GAR1: variants seen among roughly 807,000 people sequenced by gnomAD.
GAR1 encodes H/ACA ribonucleoprotein complex subunit 1.
GAR1 carries 11 observed loss-of-function variants against 29.3 expected under a neutral mutation model. The ratio of observed to expected loss-of-function variants is 0.38; its 90% CI spans 0.24 to 0.62. The LOEUF (loss-of-function observed/expected upper bound fraction) is 0.62, where lower values mean the gene tolerates loss of function less well. Among genes scored for constraint, GAR1 ranks in the 20% least tolerant of loss-of-function variants. The pLI is 0.62. For missense variants in GAR1, 237 were observed against 268.4 expected (o/e 0.88, Z 0.82); for synonymous variants, 87 against 93.3 (o/e 0.93, Z 0.39).
rs1255661367 is a variant in GAR1, at chr4:109,816,364, C to T, written c.200C>T (p.Pro67Leu). 3.1e-6 allele frequency: 5 copies of T among 1,613,866 alleles called. No homozygotes were observed. Among genetic ancestry groups the T allele is most frequent in the African/African-American group, 1.3e-5 (1 of 74,998 alleles). The change falls in exon 2 of 7, where the codon CCA becomes CTA. Residue 67 changes from proline to leucine, a missense_variant. Coordinates refer to ENST00000226796, the MANE Select transcript of GAR1 (RefSeq NM_018983.4). Reference protein sequence around the residue: ...GFNKGQDQGPPERVVLLGEFL... With the variant: ...GFNKGQDQGPLERVVLLGEFL... The stretch of plus-strand genomic sequence containing the variant: ...AACAAAGGCCAAGACCAAGGACCTC[C>T]AGAACGTGTAGTCTGTATGCAGTCT...
chr4:109,816,077 A>T, intron 1 of GAR1, 76 bp from the exon 2 acceptor site: 1 of 1,396,854 alleles, frequency 7.2e-7, no homozygotes, highest in Non-Finnish European at 1.0e-6. Context: ...TGGTGTTCTC[A>T]CCGCAGCTCC....
chr4:109,818,146 TC>T, intron 3 of GAR1, 56 bp downstream of exon 3: 1 of 1,255,502 alleles, frequency 8.0e-7, no homozygotes, highest in South Asian at 1.3e-5. Context: ...TTTGCATTTT[TC>T]TGAGGAGGCA....
chr4:109,822,534 C>G (rs1199396561), intron 5 of GAR1, 46 bp downstream of exon 5: 16 of 1,566,604 alleles, frequency 1.0e-5, no homozygotes, highest in Non-Finnish European at 1.4e-5. Context: ...CTGTGACTTT[C>G]ACAGCTAATT....
In GAR1 at chr4:109,819,075, T is replaced by G. The variant is rs201404073; in HGVS notation, c.429+15T>G. ...AACTACAGAAGGTGAGTCAAACTTA[T>G]GATACTTGGGATCCTTGGTTTTATA... On this transcript the variant is annotated intron_variant, in intron 4 of 6. Transcript: ENST00000226796. 1 of 1,393,056 alleles carries G rather than the reference T, an allele frequency of 7.2e-7. No homozygotes were observed. The highest frequency in any genetic ancestry group is 1.2e-5 in the South Asian group (1 of 86,114). 86.3% of individuals were successfully genotyped at this position (1,393,056 alleles called of 1,614,324 possible).
chr4:109,817,913 A>G (rs1733398055), intron 2 of GAR1, 23 bp from the exon 3 acceptor site: 1 of 1,583,672 alleles, frequency 6.3e-7, no homozygotes, highest in Admixed American at 1.9e-5. Flanking sequence ...TCTATGTTTT[A>G]ACATTTTCTT....
chr4:109,824,595 T>G lies in GAR1; in HGVS notation c.*164T>G, dbSNP rs1018263477. 3.8e-5 allele frequency: 23 copies of G among 612,230 alleles called. No individual in the cohort carries two copies. Among genetic ancestry groups the G allele is most frequent in the Non-Finnish European group, 5.3e-5 (18 of 338,334 alleles). 37.9% of individuals were successfully genotyped at this position (612,230 alleles called of 1,614,324 possible). The stretch of plus-strand genomic sequence containing the variant: ...CATCATGCAAAGTGCAACGGAATAG[T>G]GAATTTTGCTCTAAAAGAGCATGAA... On this transcript the variant is annotated 3_prime_UTR_variant, in exon 7 of 7. Transcript: ENST00000226796.
intron 4 of GAR1, among the ~76,000 whole-genome samples, chr4:109,821,470 AC>A (rs1382564587): frequency 6.6e-6 from 1 of 152,220 alleles, no homozygotes; most frequent in Non-Finnish European, 1.5e-5. Context: ...GAACTATGAT[AC>A]AATATGCTCT....
chr4:109,819,094 T>C, intron 4 of GAR1, 34 bp downstream of exon 4: 1 of 1,129,868 alleles, frequency 8.9e-7, no homozygotes, highest in Non-Finnish European at 1.4e-6. Flanking sequence ...GGATCCTTGG[T>C]TTTATAAGGG....
At chr4:109,823,938 C>A in intron 5 of GAR1, 27 bp from the exon 6 acceptor site, 2 of 1,425,212 alleles carry the variant, frequency 1.4e-6, no homozygotes, top group Non-Finnish European at 2.0e-6. Context: ...AAATACTTTG[C>A]GTTATTATTT....
upstream of GAR1, chr4:109,815,651 G>A (rs1379624908): frequency 6.8e-6 from 1 of 147,936 alleles, no homozygotes; most frequent in Non-Finnish European, 1.5e-5. Flanking sequence ...TTCCGCGGGT[G>A]ATTGGCTTTT....
chr4:109,816,263 C>T lies in GAR1; in HGVS notation c.99C>T (p.Gly33=). 1 of 1,603,782 alleles carries T rather than the reference C, an allele frequency of 6.2e-7. No homozygotes were observed. The highest frequency in any genetic ancestry group is 8.5e-7 in the Non-Finnish European group (1 of 1,175,124). The part of the protein sequence containing the change: ...GGSSNHFRGG[G]GGGGGGNFRG... ...GCAGCAACCACTTCCGAGGTGGAGG[C>T]GGCGGTGGAGGCGGCGGCAATTTCA... is the stretch of plus-strand genomic sequence containing the variant. Residue 33 remains glycine (G), a synonymous_variant, in exon 2 of 7, where the codon GGC becomes GGT. Coordinates refer to ENST00000226796, the MANE Select transcript of GAR1 (RefSeq NM_018983.4).
rs1316526913 is a variant in GAR1 at position 109,824,411 on chromosome 4, T to G, written c.641-7T>G. On this transcript the variant is annotated splice_polypyrimidine_tract_variant and splice_region_variant and intron_variant, in intron 6 of 6. Coordinates refer to ENST00000226796, the MANE Select transcript of GAR1 (RefSeq NM_018983.4). Reference sequence around the variant, plus strand: ...TGCCCTTAATACTTTAATTTTCTCTTAATCAGGGAGAGGACATTAAGTGAA... The same window carrying G: ...TGCCCTTAATACTTTAATTTTCTCTGAATCAGGGAGAGGACATTAAGTGAA... 1 of 1,579,888 alleles carries G rather than the reference T, an allele frequency of 6.3e-7. No individual in the cohort carries two copies. Among genetic ancestry groups the G allele is most frequent in the Non-Finnish European group, 8.7e-7 (1 of 1,149,106 alleles).
intron 4 of GAR1, among the ~76,000 whole-genome samples, chr4:109,819,829 A>G (rs1331585069): frequency 1.3e-5 from 2 of 152,226 alleles, no homozygotes; most frequent in African/African-American, 4.8e-5. Flanking sequence ...CAGGCAACTG[A>G]AAGGATACAA....
rs755660994 is a variant in GAR1, at chr4:109,822,508, T to C, written c.571+20T>C. 86 of 1,585,140 alleles carry C rather than the reference T, an allele frequency of 5.4e-5. No homozygotes were observed. The highest frequency in any genetic ancestry group is 9.3e-5 in the Admixed American group (5 of 53,860). On this transcript the variant is annotated intron_variant, in intron 5 of 6. Coordinates refer to ENST00000226796, the MANE Select transcript of GAR1 (RefSeq NM_018983.4). The stretch of plus-strand genomic sequence containing the variant: ...GAGGCGGTAAGTTACTTGGGGAAAA[T>C]TTCTAATGAAATTAACTGTGACTTT...
intron 3 of GAR1, among the ~76,000 whole-genome samples, chr4:109,818,497 C>T (rs1733414406): frequency 6.6e-6 from 1 of 151,152 alleles, no homozygotes; most frequent in African/African-American, 2.4e-5. Context: ...CTCTCTCTTT[C>T]TTTCTCTCTC....
intron 2 of GAR1, among the ~76,000 whole-genome samples, chr4:109,817,356 G>C (rs143714162): frequency 2.4e-3 from 365 of 152,240 alleles, no homozygotes; most frequent in Non-Finnish European, 3.2e-3. Context: ...TTTAGTTTGG[G>C]GTGACAGTCT....
intron 1 of GAR1, 120 bp downstream of exon 1, chr4:109,815,924 T>TTAA: frequency 1.7e-6 from 1 of 574,438 alleles, no homozygotes; most frequent in Non-Finnish European, 3.1e-6. Flanking sequence ...GGGGAGGAGA[T>TTAA]ACTAATCATG....
rs1004969121 is a variant in GAR1, at chr4:109,821,363, G to A, written c.430-984G>A. ...TTTTTGAGATGATGGGCTGTGAAGG[G>A]AAGATGAGTAATAAGGTGATATCTA... On this transcript the variant is annotated intron_variant, in intron 4 of 6. Transcript: ENST00000226796. Among the ~76,000 whole-genome samples the A allele has an allele frequency of 1.1e-4, 17 of 152,322 alleles. 1 individual carries two copies. In the South Asian group the frequency reaches 3.5e-3, roughly 32 times the overall value.
Position 109,817,950 on chromosome 4 carries a change from C to T in GAR1, c.229C>T (p.Leu77=). 6.2e-7 allele frequency: 1 copy of T among 1,608,646 alleles called. No individual in the cohort carries two copies. The highest frequency in any genetic ancestry group is 2.2e-5 in the East Asian group (1 of 44,818). ...PERVVLLGEF[L]HPCEDDIVCK... Reference sequence around the variant, plus strand: ...TCCTGTTTCAGTATTAGGAGAGTTCCTGCATCCCTGTGAAGATGACATAGT... The same window carrying T: ...TCCTGTTTCAGTATTAGGAGAGTTCTTGCATCCCTGTGAAGATGACATAGT... Residue 77 remains leucine (L), a synonymous_variant, in exon 3 of 7, where the codon CTG becomes TTG. Coordinates refer to ENST00000226796, the MANE Select transcript of GAR1 (RefSeq NM_018983.4).
Sources: allele counts gnomAD v4.1 joint callset (sites outside exome capture counted in the v4.1 genomes callset), GRCh38; gene constraint gnomAD v4.1.1; transcripts MANE v1.5; gene names NCBI Gene and HGNC (gene_info 2026-07-23, HGNC 2026-07-21).